The following TCF7L1 variants were observed in gnomAD, a reference collection of about 807,000 sequenced individuals.
The protein encoded by TCF7L1 is transcription factor 7-like 1.
In TCF7L1, 18 loss-of-function variants were observed where a neutral mutation model predicts 63.7. The ratio of observed to expected loss-of-function variants is 0.28; its 90% CI spans 0.20 to 0.42. The LOEUF (loss-of-function observed/expected upper bound fraction) is 0.42, where lower values mean the gene tolerates loss of function less well. Ranked by LOEUF, TCF7L1 falls within the 10% of genes least tolerant of loss-of-function variation. TCF7L1 has a pLI of 1.00. For missense variants in TCF7L1, 654 were observed against 779.3 expected (o/e 0.84, Z 1.91); for synonymous variants, 355 against 340.9 (o/e 1.04, Z -0.46).
At chr2:85,236,481 G>A (rs948764960) in intron 3 of TCF7L1, among the ~76,000 whole-genome samples, 1 of 152,156 alleles carries the variant, frequency 6.6e-6, no homozygotes, top group Non-Finnish European at 1.5e-5. Context: ...GCCTCTGGAT[G>A]CAATTGTGTG....
intron 4 of TCF7L1, among the ~76,000 whole-genome samples, chr2:85,286,371 CAA>C (rs113858161): frequency 8.5e-6 from 1 of 118,314 alleles, no homozygotes; most frequent in African/African-American, 4.0e-5. Flanking sequence ...AACAAACAAA[CAA>C]AAAAAAAAAC....
At chr2:85,185,577 C>T (rs1236045976) in intron 3 of TCF7L1, among the ~76,000 whole-genome samples, 3 of 152,106 alleles carry the variant, frequency 2.0e-5, no homozygotes, top group South Asian at 2.1e-4. Flanking sequence ...CATGGAAGCT[C>T]GCTTGTTTAT....
intron 3 of TCF7L1, among the ~76,000 whole-genome samples, chr2:85,276,882 C>T (rs1465730944): frequency 6.6e-6 from 1 of 152,096 alleles, no homozygotes; most frequent in African/African-American, 2.4e-5. Flanking sequence ...TACCGCTTCT[C>T]GAGAGCGACA....
At position 85,303,899 on chromosome 2, in the gene TCF7L1, C is replaced by A; in HGVS notation, c.663C>A (p.Ile221=). ...CATATCTCTCTTTGGAAGCAGGAAT[C>A]CCCCGGCCCCCTCACCCATCCGAGC... ...LSPEIDPKTG[I]PRPPHPSELS... Residue 221 remains isoleucine, a synonymous_variant, in exon 6 of 12, where the codon ATC becomes ATA. Coordinates refer to ENST00000282111, the MANE Select transcript of TCF7L1 (RefSeq NM_031283.3). The A allele has an allele frequency of 1.2e-6, 2 of 1,608,248 alleles. No homozygotes were observed. The highest frequency in any genetic ancestry group is 1.7e-6 in the Non-Finnish European group (2 of 1,176,154).
chr2:85,252,714 G>A (rs1379374775), intron 3 of TCF7L1, among the ~76,000 whole-genome samples: 1 of 152,202 alleles, frequency 6.6e-6, no homozygotes, highest in Admixed American at 6.5e-5. Flanking sequence ...TGGTTTCCAA[G>A]CAGCCCCTAC....
chr2:85,261,468 A>G (rs368935430), intron 3 of TCF7L1, among the ~76,000 whole-genome samples: 22 of 152,230 alleles, frequency 1.4e-4, no homozygotes, highest in African/African-American at 5.3e-4. Flanking sequence ...GACTTTGTGA[A>G]GTGGAGACTG....
intron 3 of TCF7L1, among the ~76,000 whole-genome samples, chr2:85,266,006 A>T (rs1680964686): frequency 6.6e-6 from 1 of 152,234 alleles, no homozygotes; most frequent in South Asian, 2.1e-4. Flanking sequence ...AAGTAAAAGT[A>T]GGATTCAATA....
intron 3 of TCF7L1, among the ~76,000 whole-genome samples, chr2:85,163,852 G>T (rs1485505846): frequency 6.6e-6 from 1 of 152,108 alleles, no homozygotes; most frequent in African/African-American, 2.4e-5. Flanking sequence ...TTTTTATAAG[G>T]ATAGCAGTCC....
At chr2:85,241,440 T>TTTTTG (rs1680326260) in intron 3 of TCF7L1, among the ~76,000 whole-genome samples, 3 of 85,200 alleles carry the variant, frequency 3.5e-5, no homozygotes, top group African/African-American at 2.5e-4. Context: ...TGTTTTTGTT[T>TTTTTG]TTTTTTTTTT....
intron 3 of TCF7L1, among the ~76,000 whole-genome samples, chr2:85,270,113 G>C (rs544925056): frequency 6.6e-6 from 1 of 152,208 alleles, no homozygotes; most frequent in African/African-American, 2.4e-5. Context: ...GTGGCTGGAA[G>C]GCAGCTCCAG....
At chr2:85,161,594 T>C (rs1574084547) in intron 3 of TCF7L1, among the ~76,000 whole-genome samples, 1 of 152,174 alleles carries the variant, frequency 6.6e-6, no homozygotes, top group African/African-American at 2.4e-5. Context: ...CCCTGCGGTG[T>C]TGGTCTTTGG....
intron 3 of TCF7L1, among the ~76,000 whole-genome samples, chr2:85,187,912 A>G (rs1678960722): frequency 1.3e-5 from 2 of 152,210 alleles, no homozygotes; most frequent in East Asian, 3.8e-4. Flanking sequence ...TGTATGGTTG[A>G]CCAAACTGTG....
At chr2:85,250,734 C>T (rs1013296461) in intron 3 of TCF7L1, among the ~76,000 whole-genome samples, 4 of 152,122 alleles carry the variant, frequency 2.6e-5, no homozygotes, top group Non-Finnish European at 5.9e-5. Flanking sequence ...CCATGCCCAG[C>T]CGAAAAATGA....
intron 3 of TCF7L1, among the ~76,000 whole-genome samples, chr2:85,155,346 C>A (rs72932641): frequency 0.042 from 6,413 of 152,288 alleles, 427 homozygotes; most frequent in African/African-American, 0.15. Flanking sequence ...GCAGCAGCAG[C>A]AACGCTCTGT....
At chr2:85,184,411 G>A (rs1558626801) in intron 3 of TCF7L1, among the ~76,000 whole-genome samples, 1 of 152,144 alleles carries the variant, frequency 6.6e-6, no homozygotes, top group Non-Finnish European at 1.5e-5. Context: ...CCTTCCGTGG[G>A]GAAGGTAACC....
intron 3 of TCF7L1, among the ~76,000 whole-genome samples, chr2:85,218,161 G>A (rs1213092923): frequency 1.3e-5 from 2 of 151,942 alleles, no homozygotes; most frequent in Non-Finnish European, 2.9e-5. Flanking sequence ...CCTTTTCAAA[G>A]CACTATAATT....
chr2:85,172,377 TCTTGTCACACA>T (rs981839425), intron 3 of TCF7L1, among the ~76,000 whole-genome samples: 1 of 152,190 alleles, frequency 6.6e-6, no homozygotes, highest in Non-Finnish European at 1.5e-5. Context: ...CTTGGCACAC[TCTTGTCACACA>T]GCCTTTCACT....
chr2:85,276,138 T>C (rs921042166), intron 3 of TCF7L1, among the ~76,000 whole-genome samples: 1 of 152,238 alleles, frequency 6.6e-6, no homozygotes, highest in African/African-American at 2.4e-5. Flanking sequence ...CTTTACACTT[T>C]CGTTTTCTCT....
intron 3 of TCF7L1, among the ~76,000 whole-genome samples, chr2:85,200,503 C>T (rs1679249234): frequency 6.6e-6 from 1 of 152,176 alleles, no homozygotes; most frequent in Admixed American, 6.6e-5. Context: ...CATAAGTTTA[C>T]ATTGTCTGTC....
Sources: gnomAD v4.1 joint callset for allele counts (sites outside exome capture counted in the v4.1 genomes callset) on GRCh38, gnomAD v4.1.1 for gene constraint, MANE v1.5 for transcripts, NCBI Gene and HGNC (gene_info 2026-07-23, HGNC 2026-07-21) for gene names.